The following ADAMTSL1 variants were observed in gnomAD, a reference collection of about 807,000 sequenced individuals.
ADAMTSL1 encodes ADAMTS-like protein 1.
In ADAMTSL1, 126 loss-of-function variants were observed where a neutral mutation model predicts 201.8. The observed-to-expected ratio is 0.62, with a 90% CI of 0.54 to 0.72. ADAMTSL1 has a LOEUF of 0.72. Ranked by LOEUF, ADAMTSL1 falls within the 30% of genes least tolerant of loss-of-function variation. ADAMTSL1 has a pLI of 0.00. For synonymous variants in ADAMTSL1, 1,121 were observed against 903.4 expected (o/e 1.24, Z -4.32); for missense variants, 2,679 against 2,277.8 (o/e 1.18, Z -3.59).
At chr9:18,200,251 T>C (rs1045061402) in intron 2 of ADAMTSL1, among the ~76,000 whole-genome samples, 3 of 151,882 alleles carry the variant, frequency 2.0e-5, no homozygotes, top group Non-Finnish European at 2.9e-5. Context: ...CTAGGCAAAA[T>C]AGCGAGACAC....
chr9:18,504,844 C>G lies in ADAMTSL1; in HGVS notation c.79C>G (p.Arg27Gly). 1 of 1,614,170 alleles carries G rather than the reference C, an allele frequency of 6.2e-7. No homozygotes were observed. The highest frequency in any genetic ancestry group is 8.5e-7 in the Non-Finnish European group (1 of 1,180,024). ...AFLLLSSRTA[R>G]SEEDRDGLWD... ...TTTCTCACAGAGTTCCAGGACCGCA[C>G]GCTCCGAGGAGGACCGGGACGGCCT... The change falls in exon 2 of 29, where the codon CGC becomes GGC. Residue 27 changes from arginine to glycine, a missense_variant. Arg to Gly is a moderately radical substitution (Grantham distance 125, BLOSUM62 -2). Coordinates refer to ENST00000380548, the MANE Select transcript of ADAMTSL1 (RefSeq NM_001040272.6).
At chr9:18,516,140 T>C (rs1818355411) in intron 2 of ADAMTSL1, among the ~76,000 whole-genome samples, 1 of 151,614 alleles carries the variant, frequency 6.6e-6, no homozygotes, top group South Asian at 2.1e-4. Context: ...ACTTGCATAA[T>C]TTATTGAATT....
chr9:18,104,581 C>A (rs1209708685), intron 1 of ADAMTSL1, among the ~76,000 whole-genome samples: 1 of 151,996 alleles, frequency 6.6e-6, no homozygotes, highest in Non-Finnish European at 1.5e-5. Flanking sequence ...ACACTGCAGA[C>A]TCCAAAAGGC....
At chr9:18,478,362 C>G (rs1821564554) in intron 1 of ADAMTSL1, among the ~76,000 whole-genome samples, 1 of 152,144 alleles carries the variant, frequency 6.6e-6, no homozygotes, top group African/African-American at 2.4e-5. Context: ...TAATTTTAAA[C>G]TCTTCCAGGA....
chr9:18,707,130 G>C lies in ADAMTSL1; in HGVS notation c.1876+82G>C, dbSNP rs1468325739. The C allele has an allele frequency of 6.7e-6, 10 of 1,485,902 alleles. No homozygotes were observed. The African/African-American group carries it at 1.1e-4, about 17-fold the overall frequency. The allele number at this position is 1,485,902 out of a possible 1,614,324, so 92.0% of individuals were successfully genotyped here. Reference sequence around the variant, plus strand: ...CTGCATGCAGCTGGATCATGTGACTGCCTCAAATCCAAGAATGATAAGCAG... The same window carrying C: ...CTGCATGCAGCTGGATCATGTGACTCCCTCAAATCCAAGAATGATAAGCAG... On this transcript the variant is annotated intron_variant, in intron 14 of 28. Coordinates refer to ENST00000380548, the MANE Select transcript of ADAMTSL1 (RefSeq NM_001040272.6).
intron 18 of ADAMTSL1, among the ~76,000 whole-genome samples, chr9:18,776,137 T>C (rs549964656): frequency 6.6e-6 from 1 of 152,194 alleles, no homozygotes; most frequent in South Asian, 2.1e-4. Flanking sequence ...AGAGCAAAGT[T>C]CACTTGCTGG....
At chr9:18,299,531 CAGGGAGAG>C (rs1833614643) in intron 2 of ADAMTSL1, among the ~76,000 whole-genome samples, 6 of 152,236 alleles carry the variant, frequency 3.9e-5, no homozygotes, top group Admixed American at 3.9e-4. Context: ...AGAGAGATCT[CAGGGAGAG>C]AACACAAGGA....
chr9:18,799,879 A>G (rs73644669), intron 20 of ADAMTSL1, among the ~76,000 whole-genome samples: 2 of 152,208 alleles, frequency 1.3e-5, no homozygotes, highest in Non-Finnish European at 2.9e-5. Context: ...CCTCCCCATC[A>G]TGATTTAGTA....
intron 2 of ADAMTSL1, among the ~76,000 whole-genome samples, chr9:18,320,854 G>A (rs935399205): frequency 1.1e-4 from 17 of 151,964 alleles, no homozygotes; most frequent in South Asian, 2.1e-4. Flanking sequence ...CAGTTAAGCC[G>A]TTAGAAAAAT....
intron 13 of ADAMTSL1, among the ~76,000 whole-genome samples, chr9:18,692,379 A>T (rs1831283445): frequency 6.6e-6 from 1 of 151,906 alleles, no homozygotes; most frequent in Admixed American, 6.6e-5. Flanking sequence ...TCATTCCTTG[A>T]TTGCAAACCA....
At chr9:18,380,864 C>G (rs1451969545) in intron 2 of ADAMTSL1, among the ~76,000 whole-genome samples, 1 of 152,228 alleles carries the variant, frequency 6.6e-6, no homozygotes, top group African/African-American at 2.4e-5. Flanking sequence ...GCAGCATGAG[C>G]TGTTACAAAA....
chr9:18,557,382 T>C (rs890026597), intron 3 of ADAMTSL1, among the ~76,000 whole-genome samples: 2 of 152,078 alleles, frequency 1.3e-5, no homozygotes, highest in Admixed American at 6.6e-5. Context: ...AGTTCTAGAA[T>C]TGTTCTTTAA....
chr9:18,105,015 G>A (rs998063372), intron 1 of ADAMTSL1, among the ~76,000 whole-genome samples: 1 of 151,966 alleles, frequency 6.6e-6, no homozygotes, highest in African/African-American at 2.4e-5. Context: ...GGTCAAGGCC[G>A]TATGTATAAA....
intron 2 of ADAMTSL1, among the ~76,000 whole-genome samples, chr9:18,375,299 A>G (rs1398002555): frequency 6.6e-6 from 1 of 152,188 alleles, no homozygotes; most frequent in Non-Finnish European, 1.5e-5. Flanking sequence ...CCTCAGTCAT[A>G]TCCTGTAACT....
chr9:18,186,350 G>C (rs1452662278), intron 2 of ADAMTSL1, among the ~76,000 whole-genome samples: 1 of 152,098 alleles, frequency 6.6e-6, no homozygotes, highest in Non-Finnish European at 1.5e-5. Flanking sequence ...ACTTGCTTGA[G>C]GTTTGCTTTT....
intron 2 of ADAMTSL1, among the ~76,000 whole-genome samples, chr9:18,254,639 A>AGG (rs1563837764): frequency 1.3e-5 from 2 of 151,396 alleles, no homozygotes; most frequent in African/African-American, 4.9e-5. Flanking sequence ...CTGGGATTAC[A>AGG]GGCGTGAGCC....
At chr9:18,838,862 G>A (rs1825510371) in intron 23 of ADAMTSL1, among the ~76,000 whole-genome samples, 1 of 149,100 alleles carries the variant, frequency 6.7e-6, no homozygotes, top group Non-Finnish European at 1.5e-5. Flanking sequence ...GGCAACAAGT[G>A]AGATCCTGTC....
chr9:18,474,418 T>C (rs1821350112), intron 1 of ADAMTSL1, 123 bp downstream of exon 1: 3 of 959,348 alleles, frequency 3.1e-6, no homozygotes, highest in African/African-American at 1.6e-5. Flanking sequence ...CCAGGTAAAA[T>C]AATTTACACG....
intron 2 of ADAMTSL1, among the ~76,000 whole-genome samples, chr9:18,227,420 A>C (rs996180718): frequency 6.6e-6 from 1 of 152,176 alleles, no homozygotes; most frequent in African/African-American, 2.4e-5. Flanking sequence ...AGGTACATTC[A>C]GAGTGTTCCT....
Sources: gnomAD v4.1 joint callset for allele counts (sites outside exome capture counted in the v4.1 genomes callset) on GRCh38, gnomAD v4.1.1 for gene constraint, MANE v1.5 for transcripts, NCBI Gene and HGNC (gene_info 2026-07-23, HGNC 2026-07-21) for gene names.